Variants in ZNF804B observed in about 807,000 individuals in gnomAD.
ZNF804B encodes the protein zinc finger protein 804B, also known as zinc finger 804B.
A neutral mutation model predicts 101.4 loss-of-function variants in ZNF804B; 80 were observed. The observed-to-expected ratio is 0.79, with a 90% CI of 0.66 to 0.95. The LOEUF (loss-of-function observed/expected upper bound fraction) is 0.95, where lower values mean the gene tolerates loss of function less well. ZNF804B is among the 40% of genes least tolerant of loss of function. The pLI is 0.00. For missense variants in ZNF804B, 1,673 were observed against 1,561.9 expected (o/e 1.07, Z -1.20); for synonymous variants, 622 against 558.8 (o/e 1.11, Z -1.59).
Position 89,220,027 on chromosome 7 carries a change from A to G in ZNF804B, c.249+1732A>G, listed in dbSNP as rs1357843046. On this transcript the variant is annotated intron_variant, in intron 2 of 3. Transcript: ENST00000333190. ...TGCACATATATGTGTGTATACATAT[A>G]TATACGCACATATATGTGCATATAT... Among the ~76,000 whole-genome samples the G allele has an allele frequency of 3.7e-5, 4 of 108,180 alleles. 2 individuals are homozygous for G. The highest frequency in any genetic ancestry group is 7.6e-5 in the African/African-American group (2 of 26,338). 71.0% of individuals were successfully genotyped at this position (108,180 alleles called of 152,430 possible).
chr7:89,120,858 T>C (rs1036236948), intron 1 of ZNF804B, among the ~76,000 whole-genome samples: 1 of 152,130 alleles, frequency 6.6e-6, no homozygotes, highest in African/African-American at 2.4e-5. Flanking sequence ...AAAAGTGGGC[T>C]TTTCAATAGA....
At chr7:89,259,847 G>A (rs570667213) in intron 2 of ZNF804B, among the ~76,000 whole-genome samples, 2 of 152,222 alleles carry the variant, frequency 1.3e-5, no homozygotes, top group East Asian at 1.9e-4. Context: ...AGGCATGGTG[G>A]CAGATGCCTG....
chr7:88,935,580 G>C (rs898719650), intron 1 of ZNF804B, among the ~76,000 whole-genome samples: 2 of 151,184 alleles, frequency 1.3e-5, no homozygotes, highest in African/African-American at 4.9e-5. Flanking sequence ...GTGTAGGGTG[G>C]GCACCTTCCA....
chr7:89,088,077 C>T (rs541091174), intron 1 of ZNF804B, among the ~76,000 whole-genome samples: 2 of 151,812 alleles, frequency 1.3e-5, no homozygotes, highest in Admixed American at 1.3e-4. Context: ...TTAATTTGCC[C>T]AGGATCACAC....
chr7:89,338,259 C>T lies in ZNF804B; in HGVS notation c.*1227C>T, dbSNP rs917819313. On this transcript the variant is annotated 3_prime_UTR_variant, in exon 4 of 4. Coordinates refer to ENST00000333190, the MANE Select transcript of ZNF804B (RefSeq NM_181646.5). ...TGTCTATACGAAGATGCAAACTCCT[C>T]TACCACTAGAAGATTAGAGGATGTC... is the stretch of plus-strand genomic sequence containing the variant. Among the ~76,000 whole-genome samples the T allele has an allele frequency of 6.6e-6, 1 of 152,056 alleles. No homozygotes were observed. Among genetic ancestry groups the T allele is most frequent in the Non-Finnish European group, 1.5e-5 (1 of 67,938 alleles).
chr7:89,061,543 C>T (rs979623122), intron 1 of ZNF804B, among the ~76,000 whole-genome samples: 3 of 151,972 alleles, frequency 2.0e-5, no homozygotes, highest in African/African-American at 7.3e-5. Context: ...CTCCTGAGAC[C>T]CACACATATT....
chr7:89,132,514 C>T (rs1046162907), intron 1 of ZNF804B, among the ~76,000 whole-genome samples: 5 of 151,898 alleles, frequency 3.3e-5, no homozygotes, highest in Non-Finnish European at 7.4e-5. Context: ...GCCAGATTTA[C>T]CTGAGAGTCT....
chr7:89,130,982 A>G (rs765107070), intron 1 of ZNF804B, among the ~76,000 whole-genome samples: 1 of 152,000 alleles, frequency 6.6e-6, no homozygotes, highest in Non-Finnish European at 1.5e-5. Flanking sequence ...TATAGCTTAT[A>G]CTTTTGAAGA....
chr7:89,172,071 A>C (rs1399243791), intron 1 of ZNF804B, among the ~76,000 whole-genome samples: 1 of 152,146 alleles, frequency 6.6e-6, no homozygotes, highest in Non-Finnish European at 1.5e-5. Flanking sequence ...CCTGTAGCTG[A>C]AAGGGCACTT....
chr7:88,773,437 C>T lies in ZNF804B; in HGVS notation c.108+13353C>T, dbSNP rs146122172. Among the ~76,000 whole-genome samples, 295 of 152,314 alleles carry T rather than the reference C, an allele frequency of 1.9e-3. 1 individual carries two copies. Among genetic ancestry groups the T allele is most frequent in the African/African-American group, 6.8e-3 (284 of 41,586 alleles). On this transcript the variant is annotated intron_variant, in intron 1 of 3. Transcript: ENST00000333190. ...TCTGTCAGTCAGTCAATCAATCATACATTCAACAAGTATTTTTTAAGAGTA... is the reference window on the plus strand; with the variant it reads ...TCTGTCAGTCAGTCAATCAATCATATATTCAACAAGTATTTTTTAAGAGTA...
At chr7:88,803,096 C>T (rs936077287) in intron 1 of ZNF804B, among the ~76,000 whole-genome samples, 2 of 151,796 alleles carry the variant, frequency 1.3e-5, no homozygotes, top group Admixed American at 6.6e-5. Flanking sequence ...GGTAGAATTT[C>T]GGACGGATAT....
intron 1 of ZNF804B, among the ~76,000 whole-genome samples, chr7:88,867,733 AAAG>A (rs1791753058): frequency 6.6e-6 from 1 of 152,202 alleles, no homozygotes; most frequent in Non-Finnish European, 1.5e-5. Context: ...TAACAATAAA[AAAG>A]CACATTTTAT....
intron 1 of ZNF804B, among the ~76,000 whole-genome samples, chr7:88,765,316 G>A (rs1400820665): frequency 1.3e-5 from 2 of 152,094 alleles, no homozygotes. Context: ...GGTATCATGG[G>A]TAGGCTAAAT....
intron 1 of ZNF804B, among the ~76,000 whole-genome samples, chr7:88,791,072 G>C (rs1790376154): frequency 6.6e-6 from 1 of 152,010 alleles, no homozygotes; most frequent in African/African-American, 2.4e-5. Flanking sequence ...CTTTGAGAGT[G>C]AGTATAAATT....
intron 1 of ZNF804B, among the ~76,000 whole-genome samples, chr7:89,104,935 T>G (rs559139161): frequency 1.3e-5 from 2 of 152,232 alleles, no homozygotes; most frequent in East Asian, 3.9e-4. Context: ...GTTCTTCTAC[T>G]GTGCAGCATA....
intron 1 of ZNF804B, among the ~76,000 whole-genome samples, chr7:88,984,240 T>G (rs76120998): frequency 0.023 from 3,425 of 152,090 alleles, 133 homozygotes; most frequent in African/African-American, 0.078. Flanking sequence ...TTTGTAGGAG[T>G]TTCATATAAA....
intron 1 of ZNF804B, among the ~76,000 whole-genome samples, chr7:89,193,449 C>G (rs540315331): frequency 1.0e-4 from 15 of 149,010 alleles, no homozygotes; most frequent in African/African-American, 2.5e-4. Flanking sequence ...CATCCTAATG[C>G]TATCCCTCAC....
chr7:89,081,437 A>G (rs1583975407), intron 1 of ZNF804B, among the ~76,000 whole-genome samples: 1 of 151,906 alleles, frequency 6.6e-6, no homozygotes, highest in East Asian at 1.9e-4. Flanking sequence ...TTGTTATTTG[A>G]TCAATATTGC....
chr7:89,184,706 A>G (rs1377598190), intron 1 of ZNF804B, among the ~76,000 whole-genome samples: 3 of 152,042 alleles, frequency 2.0e-5, no homozygotes, highest in African/African-American at 7.2e-5. Flanking sequence ...TCCACCTTTT[A>G]TCATTTTTAG....
Sources: gnomAD v4.1 joint callset for allele counts (sites outside exome capture counted in the v4.1 genomes callset) on GRCh38, gnomAD v4.1.1 for gene constraint, MANE v1.5 for transcripts, NCBI Gene and HGNC (gene_info 2026-07-23, HGNC 2026-07-21) for gene names.